Variants in RFX2 observed in about 807,000 individuals in gnomAD.
RFX2 encodes the protein DNA-binding protein RFX2.
RFX2 carries 20 observed loss-of-function variants against 87.8 expected under a neutral mutation model. That is an observed-to-expected ratio of 0.23 (90% CI 0.16 to 0.33). RFX2 has a LOEUF of 0.33. Among genes scored for constraint, RFX2 ranks in the 10% least tolerant of loss-of-function variants. The probability of loss-of-function intolerance (pLI) is 1.00; values close to 1 mark genes in which losing one functional copy is unlikely to be tolerated. For missense variants in RFX2, 767 were observed against 1,012.3 expected (o/e 0.76, Z 3.29); for synonymous variants, 397 against 431.3 (o/e 0.92, Z 0.98).
Position 6,040,142 on chromosome 19 carries a change from T to A in RFX2, c.360A>T (p.Ala120=). The A allele has an allele frequency of 6.2e-7, 1 of 1,608,446 alleles. No individual in the cohort carries two copies. Among genetic ancestry groups the A allele is most frequent in the Non-Finnish European group, 8.5e-7 (1 of 1,176,700 alleles). ...AGGGGACCGCTGGCGGGGACGAGGC[T>A]GCCACGGTCACCTGGGCACCGCCTG... The part of the protein sequence containing the change: ...EAPGGAQVTV[A]ASSPPAVPSH... Residue 120 remains alanine (A), a synonymous_variant, in exon 5 of 18, where the codon GCA becomes GCT. Transcript: ENST00000303657. This position sits in a 1 kb window ranked among gnomAD's most constrained non-coding sequence, Gnocchi z 6.1.
intron 5 of RFX2, among the ~76,000 whole-genome samples, chr19:6,031,305 C>T (rs556019274): frequency 2.0e-5 from 3 of 151,616 alleles, no homozygotes; most frequent in African/African-American, 7.3e-5. Context: ...TCTCATCACA[C>T]ACAATAGTAA....
chr19:6,098,373 G>A (rs1027220102), intron 1 of RFX2, among the ~76,000 whole-genome samples: 4 of 152,194 alleles, frequency 2.6e-5, no homozygotes, highest in South Asian at 2.1e-4. Context: ...CCGAGACAGC[G>A]CAGTGGGTGC....
chr19:6,001,794 C>T lies in RFX2; in HGVS notation c.1859+21G>A, dbSNP rs369891982. On this transcript the variant is annotated intron_variant, in intron 15 of 17. Transcript: ENST00000303657. This position sits in a 1 kb window ranked among gnomAD's most constrained non-coding sequence, Gnocchi z 5.6. ...AGCCCCCCACCCGCCAGAATTCTCT[C>T]GGAGGTCTGGTGGGACTAACCTGTA... 2.5e-5 allele frequency: 39 copies of T among 1,564,616 alleles called. No homozygotes were observed. The highest frequency in any genetic ancestry group is 1.7e-4 in the Middle Eastern group (1 of 5,776).
intron 1 of RFX2, among the ~76,000 whole-genome samples, chr19:6,054,356 T>TA (rs1174279505): frequency 3.3e-5 from 5 of 151,856 alleles, no homozygotes; most frequent in African/African-American, 9.7e-5. Context: ...CATCAGAAAA[T>TA]AAAAAAAGAA....
chr19:6,087,045 A>G (rs2087864574), intron 1 of RFX2, among the ~76,000 whole-genome samples: 2 of 152,212 alleles, frequency 1.3e-5, no homozygotes, highest in African/African-American at 4.8e-5. Flanking sequence ...GAGGACTCCA[A>G]TTCAGACGAG....
chr19:6,089,309 C>T (rs564617295), intron 1 of RFX2, among the ~76,000 whole-genome samples: 157 of 152,332 alleles, frequency 1.0e-3, no homozygotes, highest in African/African-American at 3.7e-3. Flanking sequence ...GTCCTGTCTC[C>T]ATCTCAGTGG....
intron 1 of RFX2, among the ~76,000 whole-genome samples, chr19:6,062,399 G>A (rs946908432): frequency 3.9e-5 from 6 of 152,140 alleles, no homozygotes; most frequent in Admixed American, 1.3e-4. Flanking sequence ...CAGAAAGGGC[G>A]AGCCATGAGC....
At chr19:6,003,909 T>TA (rs2086534246) in intron 13 of RFX2, among the ~76,000 whole-genome samples, 2 of 148,422 alleles carry the variant, frequency 1.3e-5, no homozygotes, top group Non-Finnish European at 3.0e-5. Flanking sequence ...ATTGCAGCAA[T>TA]AAGGGTCACA....
intron 12 of RFX2, among the ~76,000 whole-genome samples, chr19:6,005,784 C>G (rs1039872358): frequency 2.0e-5 from 3 of 152,184 alleles, no homozygotes; most frequent in African/African-American, 7.2e-5. Context: ...GTCCCAGCTT[C>G]TTCTTCTGAG....
chr19:6,049,994 G>C (rs1215493929), intron 1 of RFX2, among the ~76,000 whole-genome samples: 1 of 152,224 alleles, frequency 6.6e-6, no homozygotes, highest in Non-Finnish European at 1.5e-5. Context: ...CTGAATGCTG[G>C]GGTGTGGAGA....
In RFX2 at chr19:6,040,137, G is replaced by A. The variant is rs1400273125; in HGVS notation, c.365C>T (p.Ser122Leu). 30 of 1,609,406 alleles carry A rather than the reference G, an allele frequency of 1.9e-5. No individual in the cohort carries two copies. Among genetic ancestry groups the A allele is most frequent in the African/African-American group, 8.0e-5 (6 of 74,868 alleles). Residue 122 changes from serine (S) to leucine (L), a missense_variant, in exon 5 of 18, where the codon TCG becomes TTG. This residue lies in a region of RFX2 where 621 missense variants were observed against 873.0 expected (regional missense o/e 0.71). Coordinates refer to ENST00000303657, the MANE Select transcript of RFX2 (RefSeq NM_000635.4). This position sits in a 1 kb window ranked among gnomAD's most constrained non-coding sequence, Gnocchi z 6.1. ...GTGGGAGGGGACCGCTGGCGGGGAC[G>A]AGGCTGCCACGGTCACCTGGGCACC... ...PGGAQVTVAA[S>L]SPPAVPSHSM...
At chr19:6,042,832 C>T (rs2087130271) in intron 3 of RFX2, among the ~76,000 whole-genome samples, 1 of 152,236 alleles carries the variant, frequency 6.6e-6, no homozygotes, top group Admixed American at 6.5e-5. Flanking sequence ...GCAGTGGAAG[C>T]CAAACGCTTT....
chr19:6,031,268 G>A (rs1248639132), intron 5 of RFX2, among the ~76,000 whole-genome samples: 1 of 151,816 alleles, frequency 6.6e-6, no homozygotes, highest in Non-Finnish European at 1.5e-5. Context: ...TCTTGGAGGT[G>A]GTCATTGTAC....
chr19:6,045,672 G>GT lies in RFX2; in HGVS notation c.91-1391dup, dbSNP rs1446940696. Among the ~76,000 whole-genome samples the GT allele has an allele frequency of 4.7e-5, 7 of 150,074 alleles. No homozygotes were observed. Among genetic ancestry groups the GT allele is most frequent in the African/African-American group, 1.5e-4 (6 of 39,818 alleles). On this transcript the variant is annotated intron_variant, in intron 2 of 17. Transcript: ENST00000303657. This position sits in a 1 kb window ranked among gnomAD's most constrained non-coding sequence, Gnocchi z 5.2. ...TGCGGAATTGTGTTTTTTTGTTTTTGTTTTTTTGTGTTTTTTGGGACGGAT... is the reference window on the plus strand; with the variant it reads ...TGCGGAATTGTGTTTTTTTGTTTTTGTTTTTTTTGTGTTTTTTGGGACGGAT...
In RFX2 at chr19:6,004,366, A is replaced by G; in HGVS notation, c.1403-68T>C. On this transcript the variant is annotated intron_variant, in intron 12 of 17. Coordinates refer to ENST00000303657, the MANE Select transcript of RFX2 (RefSeq NM_000635.4). This position sits in a 1 kb window ranked among gnomAD's most constrained non-coding sequence, Gnocchi z 4.8. ...GACTGGACCCTGGAAATCAGCATTC[A>G]GTGTAAGAGCTGGCCCAAGTGCGAT... The G allele has an allele frequency of 1.5e-6, 2 of 1,329,046 alleles. No individual in the cohort carries two copies. Among genetic ancestry groups the G allele is most frequent in the Non-Finnish European group, 2.2e-6 (2 of 920,994 alleles). The allele number at this position is 1,329,046 out of a possible 1,614,324, so 82.3% of individuals were successfully genotyped here.
chr19:6,009,764 G>C (rs1484392995), intron 9 of RFX2, among the ~76,000 whole-genome samples: 1 of 152,054 alleles, frequency 6.6e-6, no homozygotes, highest in Non-Finnish European at 1.5e-5. Flanking sequence ...TAAGTTTTTA[G>C]TATGTTGCCT....
At position 6,040,291 on chromosome 19, in the gene RFX2, CT is replaced by C. The variant is rs1303684893; in HGVS notation, c.261-51del. On this transcript the variant is annotated intron_variant, in intron 4 of 17. Coordinates refer to ENST00000303657, the MANE Select transcript of RFX2 (RefSeq NM_000635.4). The surrounding 1 kb of genome is among the most constrained non-coding windows in gnomAD (Gnocchi z 6.1). ...ATGGGACGCTGTCCCATTTAAATGCCTTGTCTGAGTTCACAGATATCCAGCC... is the reference window on the plus strand; with the variant it reads ...ATGGGACGCTGTCCCATTTAAATGCCTGTCTGAGTTCACAGATATCCAGCC... 4 of 1,477,278 alleles carry C rather than the reference CT, an allele frequency of 2.7e-6. No homozygotes were observed. Among genetic ancestry groups the C allele is most frequent in the Non-Finnish European group, 3.6e-6 (4 of 1,107,680 alleles). The allele number at this position is 1,477,278 out of a possible 1,614,324, so 91.5% of individuals were successfully genotyped here. A position where few individuals can be genotyped will look rare whatever the true frequency, so the allele number is the denominator to read the frequency against.
rs2086832620 is a variant in RFX2 at position 6,022,681 on chromosome 19, A to G, written c.597+3482T>C. Among the ~76,000 whole-genome samples the G allele has an allele frequency of 6.6e-6, 1 of 152,156 alleles. No homozygotes were observed. Among genetic ancestry groups the G allele is most frequent in the Non-Finnish European group, 1.5e-5 (1 of 68,018 alleles). ...CTAATCCCCATTTTCACGGCGCCAT[A>G]TCATGCCCTTTTCCAGTTTGGACAC... On this transcript the variant is annotated intron_variant, in intron 6 of 17. Transcript: ENST00000303657. The surrounding 1 kb of genome is among the most constrained non-coding windows in gnomAD (Gnocchi z 6.2).
rs753128179 is a variant in RFX2, at chr19:6,020,851, T to C, written c.598-4580A>G. Among the ~76,000 whole-genome samples the C allele has an allele frequency of 5.9e-5, 9 of 152,256 alleles. No individual in the cohort carries two copies. The highest frequency in any genetic ancestry group is 1.2e-4 in the Non-Finnish European group (8 of 68,040). On this transcript the variant is annotated intron_variant, in intron 6 of 17. Coordinates refer to ENST00000303657, the MANE Select transcript of RFX2 (RefSeq NM_000635.4). The surrounding 1 kb of genome is among the most constrained non-coding windows in gnomAD (Gnocchi z 5.3). ...AGAACGCTTTCCAAGGAAATGTACA[T>C]GTGTACCCACATTTGCCACAATCTG...
Sources: gnomAD v4.1 joint callset for allele counts (sites outside exome capture counted in the v4.1 genomes callset) on GRCh38, gnomAD v4.1.1 for gene constraint, gnomAD v4.1.1 regional missense constraint, Gnocchi (gnomAD v3.1) non-coding constraint, MANE v1.5 for transcripts, NCBI Gene and HGNC (gene_info 2026-07-23, HGNC 2026-07-21) for gene names.